Variants in TRPV4 observed in about 807,000 individuals in gnomAD.
TRPV4 encodes the protein OSM9-like transient receptor potential channel 4.
In TRPV4, 58 loss-of-function variants were observed where a neutral mutation model predicts 84.1. The ratio of observed to expected loss-of-function variants is 0.69; its 90% confidence interval spans 0.56 to 0.86. The LOEUF is 0.86. TRPV4 is among the 40% of genes least tolerant of loss of function. The pLI is 0.00. For missense variants in TRPV4, 879 were observed against 1,181.1 expected (o/e 0.74, Z 3.75); for synonymous variants, 489 against 500.9 (o/e 0.98, Z 0.32).
chr12:109,820,985 G>C (rs759209050), intron 1 of TRPV4, among the ~76,000 whole-genome samples: 5 of 152,210 alleles, frequency 3.3e-5, no homozygotes, highest in African/African-American at 4.8e-5. Flanking sequence ...CTCTGGCTCC[G>C]TCCCCATGCC....
At chr12:109,788,377 G>A (rs61943771) in intron 13 of TRPV4, 23 bp downstream of exon 13, 4 of 1,606,838 alleles carry the variant, frequency 2.5e-6, no homozygotes, top group Non-Finnish European at 3.4e-6. Flanking sequence ...GGTAGAGTGG[G>A]GCTGGGGGCC....
chr12:109,802,849 T>C, intron 4 of TRPV4, 142 bp downstream of exon 4: 2 of 809,688 alleles, frequency 2.5e-6, no homozygotes, highest in Non-Finnish European at 4.1e-6. Flanking sequence ...CATCCATCCA[T>C]CCATCCATCC....
At chr12:109,804,790 C>T (rs1005324212) in intron 3 of TRPV4, among the ~76,000 whole-genome samples, 2 of 152,334 alleles carry the variant, frequency 1.3e-5, no homozygotes, top group East Asian at 1.9e-4. Context: ...GCCTAAGACA[C>T]CTCCTTTATT....
chr12:109,792,426 G>A lies in TRPV4; in HGVS notation c.1828C>T (p.Leu610Phe), dbSNP rs2136466528. 1 of 1,613,880 alleles carries A rather than the reference G, an allele frequency of 6.2e-7. No individual in the cohort carries two copies. The highest frequency in any genetic ancestry group is 8.5e-7 in the Non-Finnish European group (1 of 1,179,950). ...AGGAATCGGAAAAGGTCCTTGAAGAGAATCTAAAGACCCCAGCGGGATTAT... is the reference window on the plus strand; with the variant it reads ...AGGAATCGGAAAAGGTCCTTGAAGAAAATCTAAAGACCCCAGCGGGATTAT... ...GTYSIMIQKI[L>F]FKDLFRFLLV... Residue 610 changes from leucine to phenylalanine, a missense_variant, in exon 12 of 16, where the codon CTC becomes TTC. Physicochemically the swap from Leu to Phe is conservative, Grantham distance 22. Transcript: ENST00000261740.
intron 1 of TRPV4, among the ~76,000 whole-genome samples, chr12:109,832,050 G>A (rs113106342): frequency 4.9e-4 from 74 of 152,346 alleles, no homozygotes; most frequent in African/African-American, 1.8e-3. Context: ...CAGTGGCTGT[G>A]CCAGGTTCCT....
Position 109,783,689 on chromosome 12 carries a change from TC to T in TRPV4, c.2547del (p.Asn850ThrfsTer37). On this transcript the variant is annotated frameshift_variant, in exon 16 of 16. Coordinates refer to ENST00000261740, the MANE Select transcript of TRPV4 (RefSeq NM_021625.5). LOFTEE classifies it high-confidence loss of function. The surrounding 1 kb of genome is among the most constrained non-coding windows in gnomAD (Gnocchi z 4.6). ...TGCTGGTGGCCATCGCAGCGGGGGTTCCCCATGCTGTCCAGAGGCACCACCA... is the reference window on the plus strand; with the variant it reads ...TGCTGGTGGCCATCGCAGCGGGGGTTCCCATGCTGTCCAGAGGCACCACCA... The part of the protein sequence containing the change: ...DEVVVPLDSM[G>X]NPRCDGHQQG... 1 of 1,613,588 alleles carries T rather than the reference TC, an allele frequency of 6.2e-7. No individual in the cohort carries two copies.
chr12:109,789,165 G>A (rs1889885327), intron 12 of TRPV4, among the ~76,000 whole-genome samples: 1 of 152,094 alleles, frequency 6.6e-6, no homozygotes, highest in Admixed American at 6.5e-5. Context: ...TCCAGGGAGG[G>A]TCTCAGTTTT....
chr12:109,814,434 CTTG>C lies in TRPV4; in HGVS notation c.360_362del (p.Asn120del). ...ACTCTATGATCTTCTTCCTCCACCTCTTGTTGTCACTGGAGTGGTGACGATAGG... is the reference window on the plus strand; with the variant it reads ...ACTCTATGATCTTCTTCCTCCACCTCTTGTCACTGGAGTGGTGACGATAGG... On this transcript the variant is annotated inframe_deletion, in exon 2 of 16. Transcript: ENST00000261740. The surrounding 1 kb of genome is among the most constrained non-coding windows in gnomAD (Gnocchi z 5.4). 1 of 1,614,134 alleles carries C rather than the reference CTTG, an allele frequency of 6.2e-7. No homozygotes were observed. The highest frequency in any genetic ancestry group is 8.5e-7 in the Non-Finnish European group (1 of 1,180,000).
chr12:109,789,920 C>T lies in TRPV4; in HGVS notation c.1892-1204G>A, dbSNP rs547091656. Among the ~76,000 whole-genome samples the T allele has an allele frequency of 3.9e-5, 6 of 152,304 alleles. No homozygotes were observed. The South Asian group carries it at 1.2e-3, about 32-fold the overall frequency. On this transcript the variant is annotated intron_variant, in intron 12 of 15. Transcript: ENST00000261740. ...TGTGTCCTGTTTATGTCATGTCAGC[C>T]TCAGAATTGAGATCTAGTGCATCCT...
intron 1 of TRPV4, among the ~76,000 whole-genome samples, chr12:109,830,279 A>T (rs1037700649): frequency 6.6e-6 from 1 of 152,240 alleles, no homozygotes; most frequent in Non-Finnish European, 1.5e-5. Context: ...CTCAGCTGAG[A>T]GAACCCAGGC....
At chr12:109,827,286 C>A (rs2136717197) in intron 1 of TRPV4, among the ~76,000 whole-genome samples, 1 of 152,288 alleles carries the variant, frequency 6.6e-6, no homozygotes, top group African/African-American at 2.4e-5. Flanking sequence ...GACCAGGACA[C>A]TCACTCAAGC....
chr12:109,789,266 C>T (rs1383626841), intron 12 of TRPV4, among the ~76,000 whole-genome samples: 2 of 152,072 alleles, frequency 1.3e-5, no homozygotes, highest in African/African-American at 4.8e-5. Flanking sequence ...TGGGTGGAGG[C>T]CAGGGGTGCT....
In TRPV4 at chr12:109,783,313, G is replaced by A; in HGVS notation, c.*308C>T. 3.0e-6 allele frequency: 1 copy of A among 331,394 alleles called. No individual in the cohort carries two copies. Among genetic ancestry groups the A allele is most frequent in the Non-Finnish European group, 5.5e-6 (1 of 180,530 alleles). 20.5% of individuals were successfully genotyped at this position (331,394 alleles called of 1,614,324 possible). ...TCTGCCAGGTTCCAGCTGGGGCAGG[G>A]GTCACGTCGCTTCCTGAGAGCAGAG... On this transcript the variant is annotated 3_prime_UTR_variant, in exon 16 of 16. Coordinates refer to ENST00000261740, the MANE Select transcript of TRPV4 (RefSeq NM_021625.5). This position sits in a 1 kb window ranked among gnomAD's most constrained non-coding sequence, Gnocchi z 4.6.
rs1456841503 is a variant in TRPV4, at chr12:109,798,725, G to T, written c.1041C>A (p.Asp347Glu). ...GGCGGGCACACTTGAGCAGCAGCAG[G>T]TCGTACATCTTGGTAACAAACTTGG... The part of the protein sequence containing the change: ...ENTKFVTKMY[D>E]LLLLKCARLF... Residue 347 changes from aspartate to glutamate, a missense_variant, in exon 6 of 16, where the codon GAC becomes GAA. Asp to Glu is a conservative substitution (Grantham distance 45). This residue lies in a region of TRPV4 where 521 missense variants were observed against 686.6 expected (regional missense o/e 0.76). Coordinates refer to ENST00000261740, the MANE Select transcript of TRPV4 (RefSeq NM_021625.5). This position sits in a 1 kb window ranked among gnomAD's most constrained non-coding sequence, Gnocchi z 5.0. 3 of 1,614,004 alleles carry T rather than the reference G, an allele frequency of 1.9e-6. No individual in the cohort carries two copies. The highest frequency in any genetic ancestry group is 1.6e-4 in the Middle Eastern group (1 of 6,084).
chr12:109,785,936 C>T (rs1413881087), intron 14 of TRPV4, among the ~76,000 whole-genome samples: 3 of 152,050 alleles, frequency 2.0e-5, no homozygotes, highest in African/African-American at 4.8e-5. Context: ...TCGCTTGAGA[C>T]CAGGAGTTGG....
chr12:109,821,094 C>A (rs931429201), intron 1 of TRPV4, among the ~76,000 whole-genome samples: 1 of 152,272 alleles, frequency 6.6e-6, no homozygotes, highest in Admixed American at 6.5e-5. Flanking sequence ...CAAATCCCAT[C>A]CTCCTGATTA....
chr12:109,786,655 G>A lies in TRPV4; in HGVS notation c.2336+55C>T, dbSNP rs1299135881. ...ACGACGCTGGAGCAGCAGGGGCCCC[G>A]AGCCAGTGGGGACAGTTCCGCCCTG... On this transcript the variant is annotated intron_variant, in intron 14 of 15. Coordinates refer to ENST00000261740, the MANE Select transcript of TRPV4 (RefSeq NM_021625.5). This position sits in a 1 kb window ranked among gnomAD's most constrained non-coding sequence, Gnocchi z 4.5. 2.7e-5 allele frequency: 43 copies of A among 1,609,274 alleles called. No homozygotes were observed. Among genetic ancestry groups the A allele is most frequent in the South Asian group, 2.2e-4 (20 of 90,626 alleles).
Position 109,800,588 on chromosome 12 carries a change from GCTGTCAGC to G in TRPV4, c.853+22_853+29del, listed in dbSNP as rs1221389317. ...ATCTCCCGCCATGCTTCTCCAGCAT[GCTGTCAGC>G]CCCCACCAGGCCCCTCCTTACCAAA... is the stretch of plus-strand genomic sequence containing the variant. On this transcript the variant is annotated intron_variant, in intron 5 of 15. Coordinates refer to ENST00000261740, the MANE Select transcript of TRPV4 (RefSeq NM_021625.5). 9 of 1,613,486 alleles carry G rather than the reference GCTGTCAGC, an allele frequency of 5.6e-6. No individual in the cohort carries two copies. The Admixed American group carries it at 1.2e-4, about 21-fold the overall frequency.
chr12:109,819,082 T>TACAC (rs142787399), intron 1 of TRPV4, among the ~76,000 whole-genome samples: 216 of 150,042 alleles, frequency 1.4e-3, no homozygotes, highest in African/African-American at 5.0e-3. Context: ...TAGGCATGTG[T>TACAC]ACACACACAC....
Sources: allele counts gnomAD v4.1 joint callset (sites outside exome capture counted in the v4.1 genomes callset), GRCh38; gene constraint gnomAD v4.1.1; regional missense constraint gnomAD v4.1.1; non-coding constraint Gnocchi (gnomAD v3.1); transcripts MANE v1.5; gene names NCBI Gene and HGNC (gene_info 2026-07-23, HGNC 2026-07-21).